Variants in IPO8 observed in about 807,000 individuals in gnomAD.
IPO8 encodes importin 8.
IPO8 carries 65 observed loss-of-function variants against 141.2 expected under a neutral mutation model. That is an observed-to-expected ratio of 0.46 (90% CI 0.38 to 0.57). The LOEUF (loss-of-function observed/expected upper bound fraction) is 0.57, where lower values mean the gene tolerates loss of function less well. IPO8 is among the 20% of genes least tolerant of loss of function. The pLI is 0.00. For synonymous variants in IPO8, 411 were observed against 420.3 expected (o/e 0.98, Z 0.27); for missense variants, 980 against 1,246.8 (o/e 0.79, Z 3.22).
chr12:30,653,034 AG>A lies in IPO8; in HGVS notation c.2006del (p.Pro669LeufsTer7). 6.2e-7 allele frequency: 1 copy of A among 1,611,614 alleles called. No individual in the cohort carries two copies. Among genetic ancestry groups the A allele is most frequent in the Non-Finnish European group, 8.5e-7 (1 of 1,178,368 alleles). ...GTATACCTAGAAGCTGCCACATTTG[AG>A]GGGAAATACTGTGGCAGGTTAAACT... ...AYSLTCHSIS[P>X]QMWQLLGILY... On this transcript the variant is annotated frameshift_variant, in exon 18 of 25. Transcript: ENST00000256079. LOFTEE classifies it high-confidence loss of function.
Position 30,631,878 on chromosome 12 carries a change from A to C in IPO8, c.3016+17T>G, listed in dbSNP as rs1385805359. 1.3e-6 allele frequency: 2 copies of C among 1,556,598 alleles called. No individual in the cohort carries two copies. Among genetic ancestry groups the C allele is most frequent in the Non-Finnish European group, 8.8e-7 (1 of 1,131,020 alleles). The stretch of plus-strand genomic sequence containing the variant: ...CTCTGACACATGCACTCCACTCTGG[A>C]GGTTACTCTGGCTGACCTGCCACCG... On this transcript the variant is annotated intron_variant, in intron 24 of 24. Coordinates refer to ENST00000256079, the MANE Select transcript of IPO8 (RefSeq NM_006390.4).
chr12:30,693,773 C>T (rs73077893), intron 1 of IPO8, among the ~76,000 whole-genome samples: 9,387 of 152,118 alleles, frequency 0.062, 372 homozygotes, highest in Middle Eastern at 0.12. Context: ...CAATAAGCTA[C>T]CTTTAGAAAT....
chr12:30,666,306 G>A lies in IPO8; in HGVS notation c.1145-55C>T, dbSNP rs141512995. ...AGTGAAAATATAATTACTTATTCTA[G>A]ATTTTAAACCTGACTGACCGCTATT... is the stretch of plus-strand genomic sequence containing the variant. On this transcript the variant is annotated intron_variant, in intron 10 of 24. Transcript: ENST00000256079. 2.4e-5 allele frequency: 31 copies of A among 1,315,592 alleles called. No homozygotes were observed. The African/African-American group carries it at 4.6e-4, about 20-fold the overall frequency. 81.5% of individuals were successfully genotyped at this position (1,315,592 alleles called of 1,614,324 possible).
rs751136354 is a variant in IPO8, at chr12:30,680,621, T to C, written c.500A>G (p.Glu167Gly). ...VKTYEYKKAE[E>G]REPLIIAMQI... ...CATTGCTATTATAAGAGGTTCTCTC[T>C]CTTCTGCTTTCTTATATCTACATGA... The change falls in exon 5 of 25, where the codon GAG becomes GGG. Residue 167 changes from glutamate to glycine, a missense_variant. By Grantham distance (98) the Glu-to-Gly change is moderately conservative. Coordinates refer to ENST00000256079, the MANE Select transcript of IPO8 (RefSeq NM_006390.4). 3 of 1,610,226 alleles carry C rather than the reference T, an allele frequency of 1.9e-6. No homozygotes were observed. The highest frequency in any genetic ancestry group is 1.1e-5 in the South Asian group (1 of 90,124).
chr12:30,672,467 GGA>G (rs2053065093), intron 8 of IPO8, among the ~76,000 whole-genome samples: 1 of 152,152 alleles, frequency 6.6e-6, no homozygotes, highest in African/African-American at 2.4e-5. Context: ...CAACAGTGGG[GGA>G]GAGAAGAGTC....
intron 22 of IPO8, among the ~76,000 whole-genome samples, chr12:30,635,340 G>C (rs2052487142): frequency 6.6e-6 from 1 of 151,980 alleles, no homozygotes; most frequent in Non-Finnish European, 1.5e-5. Flanking sequence ...CCATTAAAAA[G>C]GGTATTTAAG....
intron 23 of IPO8, among the ~76,000 whole-genome samples, chr12:30,632,617 G>A (rs1217934783): frequency 6.6e-6 from 1 of 152,066 alleles, no homozygotes; most frequent in African/African-American, 2.4e-5. Flanking sequence ...CTTTCTTAAT[G>A]TCTTTCATCT....
intron 20 of IPO8, among the ~76,000 whole-genome samples, chr12:30,640,483 G>C (rs2052561200): frequency 2.0e-5 from 3 of 152,068 alleles, no homozygotes; most frequent in Admixed American, 2.0e-4. Context: ...CTATTAGTCT[G>C]GTTTAGGATA....
intron 24 of IPO8, chr12:30,631,659 A>T: frequency 2.8e-6 from 1 of 354,096 alleles, no homozygotes. Context: ...AACATAGGAT[A>T]AGAATGTGAA....
At chr12:30,663,095 G>C (rs1031370434) in intron 14 of IPO8, among the ~76,000 whole-genome samples, 3 of 152,184 alleles carry the variant, frequency 2.0e-5, no homozygotes, top group African/African-American at 7.2e-5. Flanking sequence ...AAAACTAGGG[G>C]AATCAGAATC....
chr12:30,695,815 G>A lies in IPO8; in HGVS notation c.-168C>T, dbSNP rs1398693376. 4.4e-5 allele frequency: 24 copies of A among 550,820 alleles called. No individual in the cohort carries two copies. The highest frequency in any genetic ancestry group is 3.2e-4 in the East Asian group (10 of 31,034). The allele number at this position is 550,820 out of a possible 1,614,324, so 34.1% of individuals were successfully genotyped here. A position where few individuals can be genotyped will look rare whatever the true frequency, so the allele number is the denominator to read the frequency against. ...ACTTGCTGCGCCACTCTGACTCCGC[G>A]CCCCCTGTCCTCCCTTTTTCCCCCC... On this transcript the variant is annotated 5_prime_UTR_variant, in exon 1 of 25. Transcript: ENST00000256079. This position sits in a 1 kb window ranked among gnomAD's most constrained non-coding sequence, Gnocchi z 4.2.
intron 21 of IPO8, among the ~76,000 whole-genome samples, chr12:30,638,671 C>T (rs1467171804): frequency 6.6e-6 from 1 of 151,370 alleles, no homozygotes. Flanking sequence ...GAATCTCACT[C>T]TTCCTATTTT....
At chr12:30,643,882 A>G (rs957235426) in intron 20 of IPO8, among the ~76,000 whole-genome samples, 2 of 152,072 alleles carry the variant, frequency 1.3e-5, no homozygotes, top group African/African-American at 2.4e-5. Context: ...CCTCTCCCCA[A>G]CCTATGTTTC....
chr12:30,694,558 G>C (rs576392823), intron 1 of IPO8, among the ~76,000 whole-genome samples: 4 of 152,296 alleles, frequency 2.6e-5, no homozygotes, highest in Non-Finnish European at 5.9e-5. Context: ...ACCTGGGGGA[G>C]CTAGTTAAAA....
In IPO8 at chr12:30,676,575, G is replaced by T. The variant is rs771577947; in HGVS notation, c.652C>A (p.Leu218Ile). ...FYALVQYALPLQLVNNQTMTT... is the reference protein window; with the variant it reads ...FYALVQYALPIQLVNNQTMTT... ...ATGGTTTGGTTATTCACTAGCTGAA[G>T]AGGCAATGCATACTGGAAAAGAGAA... The change falls in exon 6 of 25, where the codon CTT becomes ATT. Residue 218 changes from leucine (L) to isoleucine (I), a missense_variant. By Grantham distance (5) the Leu-to-Ile change is conservative. Transcript: ENST00000256079. 1.2e-6 allele frequency: 2 copies of T among 1,609,852 alleles called. No homozygotes were observed. The highest frequency in any genetic ancestry group is 1.3e-5 in the African/African-American group (1 of 74,772).
chr12:30,674,458 T>C (rs1212775112), intron 7 of IPO8, among the ~76,000 whole-genome samples: 2 of 152,186 alleles, frequency 1.3e-5, no homozygotes, highest in Admixed American at 1.3e-4. Context: ...TGAACAATGT[T>C]ATTTTTCCAA....
At chr12:30,658,155 A>G (rs1261230792) in intron 16 of IPO8, among the ~76,000 whole-genome samples, 1 of 152,230 alleles carries the variant, frequency 6.6e-6, no homozygotes, top group African/African-American at 2.4e-5. Context: ...AAATGATCCA[A>G]AATTTCCCAC....
rs2052408361 is a variant in IPO8, at chr12:30,629,995, G to A, written c.*865C>T. On this transcript the variant is annotated 3_prime_UTR_variant, in exon 25 of 25. Transcript: ENST00000256079. ...CTCTTAGAAGTTCAATGTGCTTTAGGTATGATTATCAATTAATTGCATAAT... is the reference window on the plus strand; with the variant it reads ...CTCTTAGAAGTTCAATGTGCTTTAGATATGATTATCAATTAATTGCATAAT... The A allele has an allele frequency of 6.6e-6, 1 of 152,056 alleles. No individual in the cohort carries two copies. The highest frequency in any genetic ancestry group is 1.5e-5 in the Non-Finnish European group (1 of 68,018). The allele number at this position is 152,056 out of a possible 1,614,324, so 9.4% of individuals were successfully genotyped here.
Position 30,673,980 on chromosome 12 carries a change from A to G in IPO8, c.909+10T>C. ...ACCATTATTCTATTTTAAAAGCATAAGTTTATTACCTGCTGAATGCCCACT... is the reference window on the plus strand; with the variant it reads ...ACCATTATTCTATTTTAAAAGCATAGGTTTATTACCTGCTGAATGCCCACT... On this transcript the variant is annotated intron_variant, in intron 8 of 24. Transcript: ENST00000256079. 1 of 1,521,492 alleles carries G rather than the reference A, an allele frequency of 6.6e-7. No homozygotes were observed. The highest frequency in any genetic ancestry group is 1.7e-4 in the Middle Eastern group (1 of 5,756). The allele number at this position is 1,521,492 out of a possible 1,614,324, so 94.2% of individuals were successfully genotyped here.
Sources: allele counts gnomAD v4.1 joint callset (sites outside exome capture counted in the v4.1 genomes callset), GRCh38; gene constraint gnomAD v4.1.1; non-coding constraint Gnocchi (gnomAD v3.1); transcripts MANE v1.5; gene names NCBI Gene and HGNC (gene_info 2026-07-23, HGNC 2026-07-21).